The following NFATC3 variants were observed in gnomAD, a reference collection of about 807,000 sequenced individuals.
NFATC3 encodes nuclear factor of activated T cells 3.
A neutral mutation model predicts 98.6 loss-of-function variants in NFATC3; 46 were observed. The ratio of observed to expected loss-of-function variants is 0.47; its 90% CI spans 0.37 to 0.60. NFATC3 has a LOEUF of 0.60. Ranked by LOEUF, NFATC3 falls within the 20% of genes least tolerant of loss-of-function variation. NFATC3 has a pLI of 0.00. For missense variants in NFATC3, 1,256 were observed against 1,295.5 expected (o/e 0.97, Z 0.47); for synonymous variants, 512 against 472.2 (o/e 1.08, Z -1.09).
chr16:68,129,519 A>G (rs2151515643), intron 3 of NFATC3, among the ~76,000 whole-genome samples: 1 of 152,104 alleles, frequency 6.6e-6, no homozygotes, highest in South Asian at 2.1e-4. Context: ...AGAAAAATGT[A>G]TATATTTCCT....
chr16:68,141,490 T>C (rs2037750128), intron 3 of NFATC3, among the ~76,000 whole-genome samples: 1 of 152,228 alleles, frequency 6.6e-6, no homozygotes, highest in South Asian at 2.1e-4. Flanking sequence ...TCTTGGCTTT[T>C]TAATAACGGC....
At chr16:68,221,230 G>T in intron 9 of NFATC3, 1 of 1,614,094 alleles carries the variant, frequency 6.2e-7, no homozygotes, top group Non-Finnish European at 8.5e-7. Context: ...ACTTGCTTCA[G>T]TTGAGACCTA....
chr16:68,164,119 A>G (rs2039061486), intron 4 of NFATC3, among the ~76,000 whole-genome samples: 1 of 152,222 alleles, frequency 6.6e-6, no homozygotes, highest in Non-Finnish European at 1.5e-5. Flanking sequence ...ACCATTGAGC[A>G]CTGAGTGAAC....
chr16:68,153,241 T>A (rs2038433115), intron 3 of NFATC3, among the ~76,000 whole-genome samples: 1 of 151,994 alleles, frequency 6.6e-6, no homozygotes. Flanking sequence ...GCCAACATGG[T>A]GAAACCCCGT....
chr16:68,198,601 A>T (rs1005583787), intron 9 of NFATC3, among the ~76,000 whole-genome samples: 1 of 152,164 alleles, frequency 6.6e-6, no homozygotes, highest in Admixed American at 6.5e-5. Context: ...GAGAGGAACC[A>T]GGGTAATCTT....
chr16:68,086,046 A>C, intron 1 of NFATC3: 1 of 390,236 alleles, frequency 2.6e-6, no homozygotes, highest in Non-Finnish European at 4.6e-6. Flanking sequence ...TTGGAGGCCC[A>C]GGGTCCGGGC....
At chr16:68,166,351 G>C (rs945105628) in intron 4 of NFATC3, among the ~76,000 whole-genome samples, 1 of 152,190 alleles carries the variant, frequency 6.6e-6, no homozygotes, top group South Asian at 2.1e-4. Flanking sequence ...AAAACGGCTA[G>C]GGTGGCTGGG....
Position 68,194,181 on chromosome 16 carries a change from A to G in NFATC3, c.3106+2406A>G, listed in dbSNP as rs180801650. ...AAGCAGCAGAACTGAGACTGGTTCA[A>G]TCCAGTCTTTTTCTTGTGGCACTAC... is the stretch of plus-strand genomic sequence containing the variant. On this transcript the variant is annotated intron_variant, in intron 9 of 9. Coordinates refer to ENST00000346183, the MANE Select transcript of NFATC3 (RefSeq NM_173165.3). Among the ~76,000 whole-genome samples the G allele has an allele frequency of 5.0e-3, 765 of 152,340 alleles. 26 individuals are homozygous for G. The highest frequency in any genetic ancestry group is 0.044 in the Admixed American group (671 of 15,302).
chr16:68,212,114 T>C (rs2041431726), intron 9 of NFATC3, among the ~76,000 whole-genome samples: 1 of 152,228 alleles, frequency 6.6e-6, no homozygotes, highest in Non-Finnish European at 1.5e-5. Flanking sequence ...GTTGTGGAGA[T>C]TGGGAACCCC....
chr16:68,141,862 G>T (rs1029530880), intron 3 of NFATC3, among the ~76,000 whole-genome samples: 1 of 151,990 alleles, frequency 6.6e-6, no homozygotes, highest in Non-Finnish European at 1.5e-5. Context: ...TGTTTTTGGG[G>T]TCTTAATCAT....
Position 68,131,650 on chromosome 16 carries a change from C to CTT in NFATC3, c.1401+5055_1401+5056dup, listed in dbSNP as rs78084781. On this transcript the variant is annotated intron_variant, in intron 3 of 9. Transcript: ENST00000346183. ...GCAGATACCAAGCACAATCAAGGTA[C>CTT]TTTTTTTTTTTTTTTTAAGTAGAAA... Among the ~76,000 whole-genome samples the CTT allele has an allele frequency of 8.3e-3, 1,151 of 138,372 alleles. 16 individuals are homozygous for CTT. The highest frequency in any genetic ancestry group is 0.028 in the African/African-American group (1,075 of 37,928). 90.8% of individuals were successfully genotyped at this position (138,372 alleles called of 152,430 possible).
chr16:68,100,376 C>T (rs2035278927), intron 1 of NFATC3, among the ~76,000 whole-genome samples: 2 of 152,052 alleles, frequency 1.3e-5, no homozygotes, highest in African/African-American at 4.8e-5. Context: ...GGTTCAAGAC[C>T]AGCCTGGGCA....
rs184912722 is a variant in NFATC3, at chr16:68,194,262, C to T, written c.3106+2487C>T. Among the ~76,000 whole-genome samples, 33 of 152,262 alleles carry T rather than the reference C, an allele frequency of 2.2e-4. 1 individual carries two copies. Among genetic ancestry groups the T allele is most frequent in the Admixed American group, 1.6e-3 (24 of 15,292 alleles). ...GGTTAGAACAGAACTCTCTACTAAA[C>T]GGAATCCCTCAAGGTTTTTCTAATT... On this transcript the variant is annotated intron_variant, in intron 9 of 9. Transcript: ENST00000346183.
chr16:68,167,721 T>C (rs1044337326), intron 5 of NFATC3, among the ~76,000 whole-genome samples: 3 of 151,918 alleles, frequency 2.0e-5, no homozygotes, highest in Non-Finnish European at 4.4e-5. Flanking sequence ...TTATTTGCTT[T>C]TTAGTGATAG....
chr16:68,129,885 C>T (rs551822437), intron 3 of NFATC3, among the ~76,000 whole-genome samples: 10 of 151,982 alleles, frequency 6.6e-5, no homozygotes, highest in Non-Finnish European at 1.0e-4. Flanking sequence ...ATTTGTTGCC[C>T]GGGCTGGTCT....
Position 68,226,919 on chromosome 16 carries a change from A to AAAAAAAAAAAAAG in NFATC3, c.*452_*453insAAAAAAAAGAAAA, listed in dbSNP as rs2042050363. ...AAGCAAAAAAAAAAAAAAAAAAAAA[A>AAAAAAAAAAAAAG]AAAAGAAAAAAAAAGAAAAGAAAAA... On this transcript the variant is annotated 3_prime_UTR_variant, in exon 10 of 10. Coordinates refer to ENST00000346183, the MANE Select transcript of NFATC3 (RefSeq NM_173165.3). 1.7e-5 allele frequency: 2 copies of AAAAAAAAAAAAAG among 118,134 alleles called. No homozygotes were observed. Among genetic ancestry groups the AAAAAAAAAAAAAG allele is most frequent in the African/African-American group, 5.3e-5 (2 of 37,952 alleles). The allele number at this position is 118,134 out of a possible 1,614,324, so 7.3% of individuals were successfully genotyped here. A position where few individuals can be genotyped will look rare whatever the true frequency, so the allele number is the denominator to read the frequency against.
At chr16:68,086,452 T>G (rs2034380505) in intron 1 of NFATC3, among the ~76,000 whole-genome samples, 2 of 152,148 alleles carry the variant, frequency 1.3e-5, no homozygotes, top group Non-Finnish European at 2.9e-5. Context: ...GATTTTTATT[T>G]AAAGAAAAAT....
At chr16:68,097,791 G>A (rs1013062325) in intron 1 of NFATC3, among the ~76,000 whole-genome samples, 7 of 152,216 alleles carry the variant, frequency 4.6e-5, no homozygotes, top group Admixed American at 4.6e-4. Flanking sequence ...CACATGTAGA[G>A]ACCCATGAAA....
chr16:68,220,545 A>G (rs2041821132), intron 9 of NFATC3, among the ~76,000 whole-genome samples: 1 of 151,978 alleles, frequency 6.6e-6, no homozygotes. Context: ...AATTGGTGAA[A>G]AAAATAGGAA....
Sources: gnomAD v4.1 joint callset for allele counts (sites outside exome capture counted in the v4.1 genomes callset) on GRCh38, gnomAD v4.1.1 for gene constraint, MANE v1.5 for transcripts, NCBI Gene and HGNC (gene_info 2026-07-23, HGNC 2026-07-21) for gene names.